The following APAF1 variants were observed in gnomAD, a reference collection of about 807,000 sequenced individuals.
APAF1 encodes apoptotic peptidase activating factor 1.
APAF1 carries 91 observed loss-of-function variants against 152.4 expected under a neutral mutation model. The observed-to-expected ratio is 0.60, with a 90% CI of 0.50 to 0.71. The LOEUF is 0.71. APAF1 is among the 30% of genes least tolerant of loss of function. APAF1 has a pLI of 0.00. For missense variants in APAF1, 1,283 were observed against 1,472.0 expected (o/e 0.87, Z 2.10); for synonymous variants, 484 against 494.1 (o/e 0.98, Z 0.27).
At chr12:98,714,847 T>C (rs2097732168) in intron 21 of APAF1, among the ~76,000 whole-genome samples, 2 of 151,612 alleles carry the variant, frequency 1.3e-5, no homozygotes, top group African/African-American at 4.8e-5. Flanking sequence ...TTTTTTCTTT[T>C]TTTTTTTTTG....
intron 12 of APAF1, among the ~76,000 whole-genome samples, chr12:98,675,661 A>AG (rs1023807820): frequency 2.0e-5 from 3 of 152,226 alleles, no homozygotes; most frequent in African/African-American, 7.2e-5. Flanking sequence ...TAGGGTATAC[A>AG]GGAGGATGTG....
rs1330302023 is a variant in APAF1 at position 98,723,195 on chromosome 12, A to G, written c.3087A>G (p.Val1029=). The change falls in exon 23 of 27, where the codon GTA becomes GTG. Residue 1029 remains valine (V), a splice_region_variant and synonymous_variant. Coordinates refer to ENST00000551964, the MANE Select transcript of APAF1 (RefSeq NM_181861.2). ...ISSSDDAEIQ[V]WNWQLDKCIF... is the part of the protein sequence containing the mutation. Reference sequence around the variant, plus strand: ...AGACTTATTTCTTTGATATTCAGGTATGGAATTGGCAATTGGACAAATGTA... The same window carrying G: ...AGACTTATTTCTTTGATATTCAGGTGTGGAATTGGCAATTGGACAAATGTA... 6.2e-7 allele frequency: 1 copy of G among 1,613,154 alleles called. No homozygotes were observed. The highest frequency in any genetic ancestry group is 8.5e-7 in the Non-Finnish European group (1 of 1,179,390).
intron 16 of APAF1, among the ~76,000 whole-genome samples, chr12:98,688,597 A>AG (rs2097700569): frequency 6.7e-6 from 1 of 149,994 alleles, no homozygotes; most frequent in South Asian, 2.1e-4. Context: ...CAGCCTCTCA[A>AG]GTAACTGGAA....
At chr12:98,667,970 A>C (rs1468270947) in intron 10 of APAF1, among the ~76,000 whole-genome samples, 2 of 151,706 alleles carry the variant, frequency 1.3e-5, no homozygotes, top group East Asian at 3.9e-4. Flanking sequence ...ATGGGGTTTC[A>C]CTATGTTGCT....
intron 17 of APAF1, among the ~76,000 whole-genome samples, chr12:98,700,455 C>T (rs1017534119): frequency 6.6e-6 from 1 of 152,158 alleles, no homozygotes; most frequent in African/African-American, 2.4e-5. Context: ...TGATTTAGTG[C>T]TACAATCCTT....
intron 10 of APAF1, among the ~76,000 whole-genome samples, chr12:98,670,442 CTGTTT>C (rs1286182989): frequency 1.3e-5 from 2 of 151,802 alleles, no homozygotes; most frequent in Non-Finnish European, 2.9e-5. Context: ...CTTTTTCTTA[CTGTTT>C]TATTAGAATT....
Position 98,714,686 on chromosome 12 carries a change from C to G in APAF1, c.2959-741C>G, listed in dbSNP as rs928840960. Among the ~76,000 whole-genome samples the G allele has an allele frequency of 2.6e-5, 4 of 152,254 alleles. No homozygotes were observed. In the South Asian group the frequency reaches 8.3e-4, roughly 32 times the overall value. On this transcript the variant is annotated intron_variant, in intron 21 of 26. Coordinates refer to ENST00000551964, the MANE Select transcript of APAF1 (RefSeq NM_181861.2). Reference sequence around the variant, plus strand: ...CCTTTGTTTTCAAGGGGCTTTTCTTCCAGACGTGGGTTAGGTTTGAGTTTC... The same window carrying G: ...CCTTTGTTTTCAAGGGGCTTTTCTTGCAGACGTGGGTTAGGTTTGAGTTTC...
intron 3 of APAF1, 30 bp from the exon 4 acceptor site, chr12:98,649,457 C>G (rs767691718): frequency 6.2e-7 from 1 of 1,604,200 alleles, no homozygotes; most frequent in East Asian, 2.2e-5. Context: ...AAGTTCTATT[C>G]ATTCATGCTT....
chr12:98,648,794 G>A lies in APAF1; in HGVS notation c.307G>A (p.Val103Ile). The stretch of plus-strand genomic sequence containing the variant: ...CTCTTCTTCCAGTGGTAAAGATTCA[G>A]TTAGTGGAATAACTTCGTATGGTTT... ...VVSSSSGKDSVSGITSYVRTV... is the reference protein window; with the variant it reads ...VVSSSSGKDSISGITSYVRTV... Residue 103 changes from valine (V) to isoleucine (I), a missense_variant, in exon 3 of 27, where the codon GTT (valine) becomes ATT (isoleucine). Physicochemically the swap from Val to Ile is conservative, Grantham distance 29. Transcript: ENST00000551964. The A allele has an allele frequency of 2.5e-6, 4 of 1,613,922 alleles. No homozygotes were observed. Among genetic ancestry groups the A allele is most frequent in the Non-Finnish European group, 3.4e-6 (4 of 1,179,962 alleles).
At position 98,690,048 on chromosome 12, in the gene APAF1, C is replaced by A. The variant is rs546480450; in HGVS notation, c.2304+3175C>A. Among the ~76,000 whole-genome samples, 5 of 152,250 alleles carry A rather than the reference C, an allele frequency of 3.3e-5. No individual in the cohort carries two copies. The East Asian group carries it at 7.7e-4, about 23-fold the overall frequency. Reference sequence around the variant, plus strand: ...TATTCAGTAAATTTTCTTGACTACACCTTTTCTAGGAAAATACTTAAATAC... The same window carrying A: ...TATTCAGTAAATTTTCTTGACTACAACTTTTCTAGGAAAATACTTAAATAC... On this transcript the variant is annotated intron_variant, in intron 16 of 26. Transcript: ENST00000551964.
At chr12:98,684,019 T>C (rs1332667875) in intron 15 of APAF1, among the ~76,000 whole-genome samples, 1 of 152,210 alleles carries the variant, frequency 6.6e-6, no homozygotes, top group Non-Finnish European at 1.5e-5. Flanking sequence ...TCTGCTAACT[T>C]TTTTTGAATT....
At chr12:98,724,807 G>A (rs1027387807) in intron 24 of APAF1, among the ~76,000 whole-genome samples, 1 of 152,050 alleles carries the variant, frequency 6.6e-6, no homozygotes, top group Non-Finnish European at 1.5e-5. Flanking sequence ...TGTACCACTA[G>A]TTCTTAGCTC....
At chr12:98,685,786 C>T (rs944710713) in intron 15 of APAF1, among the ~76,000 whole-genome samples, 1 of 152,132 alleles carries the variant, frequency 6.6e-6, no homozygotes, top group South Asian at 2.1e-4. Flanking sequence ...CAGGCATGGG[C>T]CACCACTCCC....
In APAF1 at chr12:98,648,613, T is replaced by A; in HGVS notation, c.139-13T>A. 6.2e-7 allele frequency: 1 copy of A among 1,612,920 alleles called. No individual in the cohort carries two copies. The highest frequency in any genetic ancestry group is 8.5e-7 in the Non-Finnish European group (1 of 1,179,638). ...ATTCATTGTTGTATACTAAACTACT[T>A]AATTTTTTTTAGCCCACTCAACAGC... is the stretch of plus-strand genomic sequence containing the variant. On this transcript the variant is annotated splice_polypyrimidine_tract_variant and intron_variant, in intron 2 of 26. Coordinates refer to ENST00000551964, the MANE Select transcript of APAF1 (RefSeq NM_181861.2).
intron 11 of APAF1, among the ~76,000 whole-genome samples, chr12:98,671,301 GT>G (rs772507894): frequency 1.3e-5 from 2 of 151,796 alleles, no homozygotes; most frequent in African/African-American, 2.4e-5. Flanking sequence ...ATGTTCAGTG[GT>G]TTTTTTAAAA....
chr12:98,649,261 T>C (rs2097646031), intron 3 of APAF1: 4 of 969,160 alleles, frequency 4.1e-6, no homozygotes, highest in South Asian at 4.8e-5. Context: ...CAGATATAGA[T>C]AGAAACTTCC....
intron 4 of APAF1, among the ~76,000 whole-genome samples, chr12:98,650,709 C>A (rs1483557625): frequency 2.6e-5 from 4 of 152,032 alleles, no homozygotes; most frequent in African/African-American, 9.7e-5. Flanking sequence ...TGATTCCTAA[C>A]CCTTGGTTTT....
chr12:98,724,947 A>G (rs997699466), intron 24 of APAF1, among the ~76,000 whole-genome samples: 5 of 152,250 alleles, frequency 3.3e-5, no homozygotes, highest in Admixed American at 6.5e-5. Flanking sequence ...AGTGACTAAC[A>G]TTTAAAGATT....
At chr12:98,672,840 C>T (rs568613175) in intron 12 of APAF1, among the ~76,000 whole-genome samples, 4 of 151,730 alleles carry the variant, frequency 2.6e-5, no homozygotes, top group South Asian at 2.1e-4. Context: ...CGGCAACCTC[C>T]TCCTCCTGGG....
Sources: allele counts gnomAD v4.1 joint callset (sites outside exome capture counted in the v4.1 genomes callset), GRCh38; gene constraint gnomAD v4.1.1; transcripts MANE v1.5; gene names NCBI Gene and HGNC (gene_info 2026-07-23, HGNC 2026-07-21).